PBX1: variants seen among roughly 807,000 people sequenced by gnomAD.
The protein encoded by PBX1 is PBX homeobox 1.
Under a neutral mutation model 53.4 loss-of-function variants are expected in PBX1, and 6 were observed. The ratio of observed to expected loss-of-function variants is 0.11; its 90% CI spans 0.06 to 0.22. The LOEUF (loss-of-function observed/expected upper bound fraction) is 0.22. Among genes scored for constraint, PBX1 ranks in the 10% least tolerant of loss-of-function variants. The pLI, the probability that PBX1 is intolerant of heterozygous loss-of-function variation, is 1.00. For synonymous variants in PBX1, 204 were observed against 212.3 expected, an observed-to-expected ratio of 0.96 and a Z score of 0.34; for missense variants, 251 against 551.4, an observed-to-expected ratio of 0.46 and a Z score of 5.46.
intron 5 of PBX1, among the ~76,000 whole-genome samples, chr1:164,810,541 C>T (rs1369731496): frequency 1.3e-5 from 2 of 152,140 alleles, no homozygotes; most frequent in Admixed American, 6.5e-5. Flanking sequence ...AAATTATCTT[C>T]ATCTTTTTCC....
intron 2 of PBX1, among the ~76,000 whole-genome samples, chr1:164,670,793 C>T (rs1045143359): frequency 3.3e-5 from 5 of 152,084 alleles, no homozygotes; most frequent in African/African-American, 1.2e-4. Flanking sequence ...GCCTGGATGC[C>T]GTTAAGATTG....
intron 2 of PBX1, among the ~76,000 whole-genome samples, chr1:164,604,564 T>C (rs754290256): frequency 2.3e-4 from 35 of 152,246 alleles, no homozygotes; most frequent in Admixed American, 1.3e-4. Flanking sequence ...AAATGAAGGC[T>C]GGACATGACC....
At chr1:164,746,343 A>G (rs1286671812) in intron 2 of PBX1, among the ~76,000 whole-genome samples, 1 of 152,156 alleles carries the variant, frequency 6.6e-6, no homozygotes, top group Non-Finnish European at 1.5e-5. Context: ...AAGCTATGGT[A>G]AATAGTTGTC....
intron 2 of PBX1, among the ~76,000 whole-genome samples, chr1:164,727,086 G>A (rs1272238501): frequency 2.0e-5 from 3 of 151,690 alleles, no homozygotes; most frequent in Admixed American, 1.3e-4. Flanking sequence ...ACCAAGCTTT[G>A]TCTTTTATTA....
intron 2 of PBX1, among the ~76,000 whole-genome samples, chr1:164,720,582 T>C (rs913349434): frequency 6.6e-6 from 1 of 152,180 alleles, no homozygotes; most frequent in South Asian, 2.1e-4. Flanking sequence ...CTGACTTCAT[T>C]TGGAAGAAGT....
At chr1:164,623,228 G>A (rs10494418) in intron 2 of PBX1, among the ~76,000 whole-genome samples, 2 of 151,988 alleles carry the variant, frequency 1.3e-5, no homozygotes, top group Admixed American at 6.5e-5. Flanking sequence ...TGACTAATGC[G>A]GTGTATATAG....
rs138113390 is a variant in PBX1, at chr1:164,747,941, C to G, written c.266-44553C>G. ...TTTTAATCCACCTCCCAATTATACACAAATCATGAGTATGCATCATAAGTA... is the reference window on the plus strand; with the variant it reads ...TTTTAATCCACCTCCCAATTATACAGAAATCATGAGTATGCATCATAAGTA... On this transcript the variant is annotated intron_variant, in intron 2 of 8. Coordinates refer to ENST00000420696, the MANE Select transcript of PBX1 (RefSeq NM_002585.4). 1.3e-3 allele frequency among the ~76,000 whole-genome samples: 194 copies of G among 152,212 alleles called. 1 individual carries two copies. The highest frequency in any genetic ancestry group is 4.5e-3 in the African/African-American group (187 of 41,522).
At chr1:164,746,878 A>G (rs1665920851) in intron 2 of PBX1, among the ~76,000 whole-genome samples, 1 of 152,184 alleles carries the variant, frequency 6.6e-6, no homozygotes, top group African/African-American at 2.4e-5. Flanking sequence ...CAGAAGAGCT[A>G]TTACAAGATC....
chr1:164,801,165 A>G (rs1669050515), intron 4 of PBX1, among the ~76,000 whole-genome samples: 3 of 152,214 alleles, frequency 2.0e-5, no homozygotes, highest in Admixed American at 2.0e-4. Context: ...AAGTCAAGAG[A>G]AAGTAAAAAC....
chr1:164,625,710 G>C (rs1657989385), intron 2 of PBX1, among the ~76,000 whole-genome samples: 1 of 151,558 alleles, frequency 6.6e-6, no homozygotes, highest in Admixed American at 6.6e-5. Flanking sequence ...TTGTGTATGT[G>C]AGTGTGTGTG....
intron 2 of PBX1, among the ~76,000 whole-genome samples, chr1:164,654,973 C>CGT (rs954162425): frequency 1.3e-5 from 2 of 152,102 alleles, no homozygotes; most frequent in African/African-American, 4.8e-5. Context: ...GGGCTCCTAG[C>CGT]GTGGCCTTCT....
chr1:164,849,548 T>G lies in PBX1; in HGVS notation c.*2872T>G, dbSNP rs1671731245. 8.2e-7 allele frequency: 1 copy of G among 1,226,104 alleles called. No individual in the cohort carries two copies. The highest frequency in any genetic ancestry group is 1.1e-6 in the Non-Finnish European group (1 of 896,882). The allele number at this position is 1,226,104 out of a possible 1,614,324, so 76.0% of individuals were successfully genotyped here. ...AAGATGCACCCCAGGATTTCTTCAT[T>G]TTCTAATAGATGTGGGAGTGCTCCA... On this transcript the variant is annotated 3_prime_UTR_variant, in exon 9 of 9. Transcript: ENST00000420696.
chr1:164,839,519 G>A (rs189581012), intron 8 of PBX1, among the ~76,000 whole-genome samples: 14 of 152,266 alleles, frequency 9.2e-5, no homozygotes, highest in African/African-American at 3.4e-4. Flanking sequence ...GGTGATGTGT[G>A]CCTTGAAGAA....
At chr1:164,621,320 C>T (rs1039252453) in intron 2 of PBX1, among the ~76,000 whole-genome samples, 1 of 152,042 alleles carries the variant, frequency 6.6e-6, no homozygotes, top group African/African-American at 2.4e-5. Flanking sequence ...CCTTCTCTTT[C>T]TGTCTGTCTG....
chr1:164,716,799 A>G (rs946795747), intron 2 of PBX1, among the ~76,000 whole-genome samples: 11 of 152,130 alleles, frequency 7.2e-5, no homozygotes, highest in Admixed American at 5.9e-4. Context: ...CATGCATAGT[A>G]TCTTTCTTAC....
At chr1:164,662,557 G>T (rs903189272) in intron 2 of PBX1, among the ~76,000 whole-genome samples, 1 of 151,976 alleles carries the variant, frequency 6.6e-6, no homozygotes, top group African/African-American at 2.4e-5. Flanking sequence ...TTCAGGGTCC[G>T]AGGAGCCTTC....
intron 2 of PBX1, among the ~76,000 whole-genome samples, chr1:164,671,130 C>T (rs1050091492): frequency 4.3e-4 from 65 of 151,886 alleles, no homozygotes; most frequent in African/African-American, 1.4e-3. Flanking sequence ...TATTCTGCAC[C>T]GACAGAAATC....
At chr1:164,823,626 G>A (rs12744722) in intron 8 of PBX1, among the ~76,000 whole-genome samples, 5 of 124,242 alleles carry the variant, frequency 4.0e-5, no homozygotes, top group East Asian at 2.8e-4. Context: ...GTGGGGGGGG[G>A]GGTCAACACT....
chr1:164,821,577 A>G lies in PBX1; in HGVS notation c.1151A>G (p.Tyr384Cys), dbSNP rs753557796. The change falls in exon 8 of 9, where the codon TAC becomes TGC. Residue 384 changes from tyrosine (Y) to cysteine (C), a missense_variant. Tyr to Cys is a radical substitution (Grantham distance 194). This residue lies in a region of PBX1 where 92 missense variants were observed against 130.4 expected (regional missense o/e 0.71). Coordinates refer to ENST00000420696, the MANE Select transcript of PBX1 (RefSeq NM_002585.4). Reference sequence around the variant, plus strand: ...CATGTTATCAGCCAGACAGGAGGATACAGTGATGGACTCGCAGCCAGTCAG... The same window carrying G: ...CATGTTATCAGCCAGACAGGAGGATGCAGTGATGGACTCGCAGCCAGTCAG... ...LRHVISQTGG[Y>C]SDGLAASQMY... The G allele has an allele frequency of 6.2e-7, 1 of 1,614,146 alleles. No homozygotes were observed. Among genetic ancestry groups the G allele is most frequent in the Non-Finnish European group, 8.5e-7 (1 of 1,179,988 alleles).
Sources: allele counts gnomAD v4.1 joint callset (sites outside exome capture counted in the v4.1 genomes callset), GRCh38; gene constraint gnomAD v4.1.1; regional missense constraint gnomAD v4.1.1; transcripts MANE v1.5; gene names NCBI Gene and HGNC (gene_info 2026-07-23, HGNC 2026-07-21).